SH3BGRL2: variants seen among roughly 807,000 people sequenced by gnomAD.
SH3BGRL2 encodes the protein SH3 domain binding glutamate rich protein like 2, also known as SH3 domain-binding glutamic acid-rich-like protein 2.
In SH3BGRL2, 21 loss-of-function variants were observed where a neutral mutation model predicts 14.8. That is an observed-to-expected ratio of 1.42 (90% CI 1.01 to 2.05). The LOEUF (loss-of-function observed/expected upper bound fraction) is 2.05, where lower values mean the gene tolerates loss of function less well. Ranked by LOEUF, SH3BGRL2 falls within the 30% of genes most tolerant of loss-of-function variation. The pLI is 0.00. For missense variants in SH3BGRL2, 147 were observed against 130.8 expected (o/e 1.12, Z -0.61); for synonymous variants, 50 against 47.8 (o/e 1.05, Z -0.19).
chr6:79,598,075 A>G, the SH3BGRL2 span, among the ~76,000 whole-genome samples: 6 of 152,342 alleles, frequency 3.9e-5, no homozygotes, highest in South Asian at 6.2e-4. Context: ...ACATGGAATT[A>G]CTATAATCAA....
At chr6:79,648,342 T>A (rs13214861) in intron 1 of SH3BGRL2, among the ~76,000 whole-genome samples, 1 of 142,616 alleles carries the variant, frequency 7.0e-6, no homozygotes, top group African/African-American at 2.6e-5. Flanking sequence ...ATTATATATA[T>A]AATATATATA....
At chr6:79,624,580 G>A in the SH3BGRL2 span, among the ~76,000 whole-genome samples, 1 of 151,828 alleles carries the variant, frequency 6.6e-6, no homozygotes, top group South Asian at 2.1e-4. Flanking sequence ...CCAGCATCTA[G>A]TATAGCATCT....
At chr6:79,558,146 A>G in the SH3BGRL2 span, among the ~76,000 whole-genome samples, 1 of 152,232 alleles carries the variant, frequency 6.6e-6, no homozygotes, top group Non-Finnish European at 1.5e-5. Context: ...AGGAAGGAGA[A>G]GATACAACCA....
At position 79,678,735 on chromosome 6, in the gene SH3BGRL2, A is replaced by C. The variant is rs79731231; in HGVS notation, c.231+4936A>C. ...TATATTGCACTGGGATAGTGAGCAT[A>C]GTACCCAATAGGTAGTTTTTTGACG... On this transcript the variant is annotated intron_variant, in intron 2 of 3. Coordinates refer to ENST00000369838, the MANE Select transcript of SH3BGRL2 (RefSeq NM_031469.4). Among the ~76,000 whole-genome samples, 609 of 152,284 alleles carry C rather than the reference A, an allele frequency of 4.0e-3. 10 individuals carry two copies. The highest frequency in any genetic ancestry group is 0.013 in the African/African-American group (558 of 41,560).
At chr6:79,545,552 C>T in the SH3BGRL2 span, among the ~76,000 whole-genome samples, 20 of 152,210 alleles carry the variant, frequency 1.3e-4, no homozygotes, top group South Asian at 3.9e-3. Context: ...ATAGGAAAAT[C>T]GTTTCAGAAA....
At chr6:79,653,153 G>A (rs1465556204) in intron 1 of SH3BGRL2, among the ~76,000 whole-genome samples, 1 of 152,146 alleles carries the variant, frequency 6.6e-6, no homozygotes, top group Non-Finnish European at 1.5e-5. Context: ...CTTTAGGTTA[G>A]CATTGTTTTA....
At chr6:79,625,971 C>A in the SH3BGRL2 span, among the ~76,000 whole-genome samples, 1 of 152,172 alleles carries the variant, frequency 6.6e-6, no homozygotes, top group African/African-American at 2.4e-5. Context: ...GAAGGAGCAA[C>A]CACTTAGAAT....
At chr6:79,577,709 C>A in the SH3BGRL2 span, among the ~76,000 whole-genome samples, 2 of 152,186 alleles carry the variant, frequency 1.3e-5, no homozygotes, top group Non-Finnish European at 2.9e-5. Context: ...GTGATCAATG[C>A]AGAAGACAGG....
the SH3BGRL2 span, among the ~76,000 whole-genome samples, chr6:79,560,865 CTCTTT>C: frequency 8.9e-6 from 1 of 112,102 alleles, no homozygotes; most frequent in Non-Finnish European, 1.8e-5. Flanking sequence ...TAACAATACA[CTCTTT>C]TTTTTTTTTT....
chr6:79,689,885 C>T (rs1444781485), intron 2 of SH3BGRL2, among the ~76,000 whole-genome samples: 6 of 152,190 alleles, frequency 3.9e-5, no homozygotes, highest in Non-Finnish European at 8.8e-5. Context: ...ATTCATACTA[C>T]ATGTATAGAG....
At chr6:79,549,355 A>G in the SH3BGRL2 span, among the ~76,000 whole-genome samples, 2 of 152,236 alleles carry the variant, frequency 1.3e-5, no homozygotes, top group Admixed American at 1.3e-4. Flanking sequence ...TGCAAAGGCC[A>G]GTTCAAGATG....
intron 1 of SH3BGRL2, 72 bp from the exon 2 acceptor site, chr6:79,673,542 G>A (rs941976771): frequency 1.5e-5 from 22 of 1,447,142 alleles, no homozygotes; most frequent in Non-Finnish European, 1.9e-5. Context: ...CATAAATCTA[G>A]TTCAGTTTGG....
Position 79,699,796 on chromosome 6 carries a change from A to G in SH3BGRL2, c.*287A>G, listed in dbSNP as rs1334433712. 1 of 398,728 alleles carries G rather than the reference A, an allele frequency of 2.5e-6. No individual in the cohort carries two copies. The highest frequency in any genetic ancestry group is 4.4e-6 in the Non-Finnish European group (1 of 227,328). 24.7% of individuals were successfully genotyped at this position (398,728 alleles called of 1,614,324 possible). A position where few individuals can be genotyped will look rare whatever the true frequency, so the allele number is the denominator to read the frequency against. ...ACAGGTGTACTTTCTTAATGACTGA[A>G]AGATAAGTGGGTAGCACCGTCAGAG... is the stretch of plus-strand genomic sequence containing the variant. On this transcript the variant is annotated 3_prime_UTR_variant, in exon 4 of 4. Transcript: ENST00000369838.
intron 1 of SH3BGRL2, among the ~76,000 whole-genome samples, chr6:79,672,377 G>A (rs976344904): frequency 1.3e-5 from 2 of 152,142 alleles, no homozygotes; most frequent in Middle Eastern, 3.4e-3. Context: ...TTTTAAAACA[G>A]TATAAACACA....
chr6:79,590,723 A>G, the SH3BGRL2 span, among the ~76,000 whole-genome samples: 1 of 151,958 alleles, frequency 6.6e-6, no homozygotes, highest in Non-Finnish European at 1.5e-5. Context: ...CCTATTGGGT[A>G]CTATGCTCAA....
At chr6:79,555,436 C>G in the SH3BGRL2 span, among the ~76,000 whole-genome samples, 1 of 151,994 alleles carries the variant, frequency 6.6e-6, no homozygotes, top group Non-Finnish European at 1.5e-5. Context: ...GGTGACAGAG[C>G]AAGACTCCAT....
rs1307877079 is a variant in SH3BGRL2, at chr6:79,650,109, T to G, written c.45+18603T>G. Among the ~76,000 whole-genome samples the G allele has an allele frequency of 2.0e-5, 3 of 151,970 alleles. No homozygotes were observed. The East Asian group carries it at 5.8e-4, about 29-fold the overall frequency. On this transcript the variant is annotated intron_variant, in intron 1 of 3. Transcript: ENST00000369838. ...ATATGGCTGAAGATATAGAGAAATTTGAGGTGGAGAGACCAGAATTTGCAG... is the reference window on the plus strand; with the variant it reads ...ATATGGCTGAAGATATAGAGAAATTGGAGGTGGAGAGACCAGAATTTGCAG...
the SH3BGRL2 span, among the ~76,000 whole-genome samples, chr6:79,613,796 T>C: frequency 1.3e-5 from 2 of 152,114 alleles, no homozygotes; most frequent in East Asian, 1.9e-4. Flanking sequence ...TTAGCAGAGA[T>C]GGGGTTTCAC....
At chr6:79,680,744 TCAG>T (rs1421206816) in intron 2 of SH3BGRL2, among the ~76,000 whole-genome samples, 1 of 152,174 alleles carries the variant, frequency 6.6e-6, no homozygotes, top group Non-Finnish European at 1.5e-5. Flanking sequence ...TTAATTTTTT[TCAG>T]CATGTTTTGT....
Sources: allele counts gnomAD v4.1 joint callset (sites outside exome capture counted in the v4.1 genomes callset), GRCh38; gene constraint gnomAD v4.1.1; transcripts MANE v1.5; gene names NCBI Gene and HGNC (gene_info 2026-07-23, HGNC 2026-07-21).